Variants in APBA2 observed in about 807,000 individuals in gnomAD.
APBA2 encodes the protein amyloid-beta A4 precursor protein-binding family A member 2.
A neutral mutation model predicts 75.0 loss-of-function variants in APBA2; 30 were observed. That is an observed-to-expected ratio of 0.40 (90% confidence interval 0.30 to 0.54). APBA2 has a LOEUF of 0.54. Ranked by LOEUF, APBA2 falls within the 20% of genes least tolerant of loss-of-function variation. APBA2 has a pLI of 0.49. For missense variants in APBA2, 801 were observed against 1,016.1 expected (o/e 0.79, Z 2.88); for synonymous variants, 444 against 409.6 (o/e 1.08, Z -1.01).
intron 3 of APBA2, among the ~76,000 whole-genome samples, chr15:29,007,813 T>C (rs921596159): frequency 2.6e-5 from 4 of 152,198 alleles, no homozygotes; most frequent in African/African-American, 7.2e-5. Flanking sequence ...GAAAACAGTA[T>C]GACAGTTCCT....
At chr15:28,972,030 G>A (rs551152773) in intron 2 of APBA2, among the ~76,000 whole-genome samples, 243 of 152,264 alleles carry the variant, frequency 1.6e-3, no homozygotes, top group Non-Finnish European at 2.6e-3. Flanking sequence ...AATAAGACTG[G>A]AAATGGATAA....
At chr15:29,108,666 G>C in intron 13 of APBA2, 1 of 562,412 alleles carries the variant, frequency 1.8e-6, no homozygotes. Flanking sequence ...CTGCTTTGGA[G>C]GGAGGGCAGC....
chr15:28,994,540 C>T (rs1476181054), intron 2 of APBA2, among the ~76,000 whole-genome samples: 1 of 152,172 alleles, frequency 6.6e-6, no homozygotes, highest in Non-Finnish European at 1.5e-5. Flanking sequence ...CTGCAGCTCC[C>T]TTAACGGGTA....
At chr15:29,055,137 G>A (rs1595850342) in intron 4 of APBA2, among the ~76,000 whole-genome samples, 1 of 152,150 alleles carries the variant, frequency 6.6e-6, no homozygotes, top group Non-Finnish European at 1.5e-5. Context: ...CTTGCCCACT[G>A]CCCTGGTCTG....
intron 1 of APBA2, among the ~76,000 whole-genome samples, chr15:28,910,809 A>G (rs546670982): frequency 6.6e-6 from 1 of 152,300 alleles, no homozygotes; most frequent in South Asian, 2.1e-4. Context: ...TTTTATTTTC[A>G]TATCAGTTCT....
chr15:28,914,018 C>A (rs2033555432), intron 1 of APBA2, among the ~76,000 whole-genome samples: 1 of 152,208 alleles, frequency 6.6e-6, no homozygotes, highest in African/African-American at 2.4e-5. Flanking sequence ...ATTTCTCCCT[C>A]CAAGTGGAAG....
intron 2 of APBA2, among the ~76,000 whole-genome samples, chr15:28,931,099 C>T (rs941566097): frequency 6.6e-6 from 1 of 152,226 alleles, no homozygotes; most frequent in African/African-American, 2.4e-5. Flanking sequence ...ACCTCCCCAG[C>T]CCCCTCCATG....
Position 29,108,350 on chromosome 15 carries a change from C to A in APBA2, c.1998C>A (p.Asp666Glu). 1 of 1,614,120 alleles carries A rather than the reference C, an allele frequency of 6.2e-7. No individual in the cohort carries two copies. The highest frequency in any genetic ancestry group is 8.5e-7 in the Non-Finnish European group (1 of 1,180,030). The change falls in exon 13 of 15, where the codon GAC (aspartate) becomes GAA (glutamate). Residue 666 changes from aspartate to glutamate, a missense_variant. Physicochemically the swap from Asp to Glu is conservative, Grantham distance 45. Coordinates refer to ENST00000683413, the MANE Select transcript of APBA2 (RefSeq NM_001353788.2). ...CCACGGTCCTTATCAAGCGGCCAGA[C>A]CTCAAGTACCAGCTGGGCTTCAGCG... Reference protein sequence around the residue: ...PVTTVLIKRPDLKYQLGFSVQ... With the variant: ...PVTTVLIKRPELKYQLGFSVQ...
chr15:28,958,624 C>A (rs2036298930), intron 2 of APBA2, among the ~76,000 whole-genome samples: 1 of 152,204 alleles, frequency 6.6e-6, no homozygotes, highest in Non-Finnish European at 1.5e-5. Context: ...TGTCTGAGGC[C>A]TGTCCCCACT....
chr15:29,080,643 C>G (rs1182730555), intron 6 of APBA2, among the ~76,000 whole-genome samples: 1 of 152,160 alleles, frequency 6.6e-6, no homozygotes, highest in Non-Finnish European at 1.5e-5. Context: ...AAGCAGCCAC[C>G]CTCAAGATGT....
chr15:29,021,012 G>A (rs1212508672), intron 3 of APBA2, among the ~76,000 whole-genome samples: 3 of 152,100 alleles, frequency 2.0e-5, no homozygotes, highest in Admixed American at 2.0e-4. Context: ...ACTCTGTGGG[G>A]TCTAGGAAGA....
In APBA2 at chr15:28,984,526, G is replaced by T. The variant is rs569915758; in HGVS notation, c.-94-11227G>T. Among the ~76,000 whole-genome samples the T allele has an allele frequency of 2.2e-4, 34 of 152,108 alleles. No individual in the cohort carries two copies. The South Asian group carries it at 6.9e-3, about 31-fold the overall frequency. Reference sequence around the variant, plus strand: ...TCTCTCTGCTGTGGTTTCCTCTCAAGTGCCAGGATCCTTCCTGGTCCCGTT... The same window carrying T: ...TCTCTCTGCTGTGGTTTCCTCTCAATTGCCAGGATCCTTCCTGGTCCCGTT... On this transcript the variant is annotated intron_variant, in intron 2 of 14. Transcript: ENST00000683413.
intron 12 of APBA2, among the ~76,000 whole-genome samples, chr15:29,107,363 G>A (rs1295070382): frequency 2.0e-5 from 3 of 152,282 alleles, no homozygotes; most frequent in East Asian, 3.9e-4. Context: ...CAGCTAGGGT[G>A]GGGGCCTTCA....
intron 14 of APBA2, among the ~76,000 whole-genome samples, chr15:29,116,311 C>G (rs1469922432): frequency 6.6e-6 from 1 of 152,138 alleles, no homozygotes; most frequent in Non-Finnish European, 1.5e-5. Context: ...AGCACACTTT[C>G]CTGGCCCGTG....
At position 29,094,301 on chromosome 15, in the gene APBA2, C is replaced by G. The variant is rs376274303; in HGVS notation, c.1239C>G (p.Ile413Met). The G allele has an allele frequency of 5.0e-6, 8 of 1,614,044 alleles. No individual in the cohort carries two copies. The African/African-American group carries it at 9.3e-5, about 19-fold the overall frequency. The stretch of plus-strand genomic sequence containing the variant: ...AGAGGATGCAAAAGGCTGCTAAGAT[C>G]AAGAAAAAAGCGGTGTGTAGGGCCT... ...RVKRMQKAAK[I>M]KKKANSEGDA... is the part of the protein sequence containing the mutation. The change falls in exon 8 of 15, where the codon ATC (isoleucine) becomes ATG (methionine). Residue 413 changes from isoleucine to methionine, a missense_variant. Ile to Met is a conservative substitution (Grantham distance 10). Around this residue, in one of 2 missense-constraint regions of APBA2, gnomAD observed 367 missense variants for 544.5 expected, o/e 0.67. Coordinates refer to ENST00000683413, the MANE Select transcript of APBA2 (RefSeq NM_001353788.2).
chr15:28,947,881 C>T (rs1300493365), intron 2 of APBA2, among the ~76,000 whole-genome samples: 1 of 152,224 alleles, frequency 6.6e-6, no homozygotes, highest in African/African-American at 2.4e-5. Context: ...TGACTAATGT[C>T]TCTGCTTCAA....
intron 1 of APBA2, among the ~76,000 whole-genome samples, chr15:28,903,652 A>G (rs960005700): frequency 6.6e-6 from 1 of 152,150 alleles, no homozygotes; most frequent in Non-Finnish European, 1.5e-5. Flanking sequence ...TTTAGTGGAG[A>G]GTCAGAGGGG....
In APBA2 at chr15:28,886,269, C is replaced by A. The variant is rs1466135308; in HGVS notation, c.-214C>A. Reference sequence around the variant, plus strand: ...GGCGGCGTACCCGGGCAGCCCAGCGCCCTGGCCAGGTAAGCTGGGGAACCT... The same window carrying A: ...GGCGGCGTACCCGGGCAGCCCAGCGACCTGGCCAGGTAAGCTGGGGAACCT... On this transcript the variant is annotated 5_prime_UTR_variant, in exon 1 of 15. Coordinates refer to ENST00000683413, the MANE Select transcript of APBA2 (RefSeq NM_001353788.2). 1 of 150,722 alleles carries A rather than the reference C, an allele frequency of 6.6e-6. No homozygotes were observed. The highest frequency in any genetic ancestry group is 1.5e-5 in the Non-Finnish European group (1 of 67,480). The allele number at this position is 150,722 out of a possible 1,614,324, so 9.3% of individuals were successfully genotyped here. A position where few individuals can be genotyped will look rare whatever the true frequency, so the allele number is the denominator to read the frequency against.
intron 2 of APBA2, among the ~76,000 whole-genome samples, chr15:28,980,331 C>T (rs1243866951): frequency 6.6e-6 from 1 of 152,168 alleles, no homozygotes; most frequent in African/African-American, 2.4e-5. Flanking sequence ...ACATAGAAAA[C>T]CCTAAAGACT....
Sources: gnomAD v4.1 joint callset for allele counts (sites outside exome capture counted in the v4.1 genomes callset) on GRCh38, gnomAD v4.1.1 for gene constraint, gnomAD v4.1.1 regional missense constraint, MANE v1.5 for transcripts, NCBI Gene and HGNC (gene_info 2026-07-23, HGNC 2026-07-21) for gene names.